Variants in LRP1B observed in about 807,000 individuals in gnomAD.
The protein encoded by LRP1B is low-density lipoprotein receptor-related protein 1B.
In LRP1B, 217 loss-of-function variants were observed where a neutral mutation model predicts 556.6. The ratio of observed to expected loss-of-function variants is 0.39; its 90% CI spans 0.35 to 0.44. The LOEUF (loss-of-function observed/expected upper bound fraction) is 0.44, where lower values mean the gene tolerates loss of function less well. LRP1B is among the 20% of genes least tolerant of loss of function. LRP1B has a pLI of 1.00. For synonymous variants in LRP1B, 2,047 were observed against 1,865.8 expected, an observed-to-expected ratio of 1.10 and a Z score of -2.50; for missense variants, 5,053 against 5,620.8, an observed-to-expected ratio of 0.90 and a Z score of 3.23.
intron 3 of LRP1B, among the ~76,000 whole-genome samples, chr2:141,463,638 ATTATATATT>A (rs1475704397): frequency 0.033 from 3,959 of 120,166 alleles, 364 homozygotes; most frequent in African/African-American, 0.12. Flanking sequence ...ATTATTATAT[ATTATATATT>A]ATATATAATT....
At chr2:141,421,922 G>A (rs1048276696) in intron 3 of LRP1B, among the ~76,000 whole-genome samples, 6 of 152,094 alleles carry the variant, frequency 3.9e-5, no homozygotes, top group African/African-American at 1.4e-4. Context: ...TCATCTTTGA[G>A]TCTCTCTCTT....
Position 141,591,014 on chromosome 2 carries a change from G to A in LRP1B, c.206-110481C>T, listed in dbSNP as rs532462210. Among the ~76,000 whole-genome samples the A allele has an allele frequency of 6.6e-5, 10 of 152,248 alleles. No individual in the cohort carries two copies. The South Asian group carries it at 2.1e-3, about 32-fold the overall frequency. On this transcript the variant is annotated intron_variant, in intron 2 of 90. Transcript: ENST00000389484. ...GGCTGTTTTTGAAGCCCGAGCCATG[G>A]TAAATAGCCTACGGTTTGACTCATT...
intron 21 of LRP1B, among the ~76,000 whole-genome samples, chr2:140,908,699 T>C (rs181675628): frequency 6.6e-6 from 1 of 152,114 alleles, no homozygotes; most frequent in Non-Finnish European, 1.5e-5. Context: ...ATTTATAGAA[T>C]TTTTTTATTG....
intron 43 of LRP1B, among the ~76,000 whole-genome samples, chr2:140,544,219 T>A (rs1209992944): frequency 1.7e-5 from 2 of 116,444 alleles, no homozygotes; most frequent in Admixed American, 8.4e-5. Context: ...AGGGCATATG[T>A]GCAGGTTTGT....
intron 7 of LRP1B, among the ~76,000 whole-genome samples, chr2:141,123,268 A>G (rs200362233): frequency 0.22 from 32,144 of 146,034 alleles, 3,791 homozygotes; most frequent in East Asian, 0.44. Flanking sequence ...ATAAATAAAA[A>G]AAAGAAAGTA....
intron 88 of LRP1B, 42 bp from the exon 89 acceptor site, chr2:140,238,338 T>C: frequency 9.5e-7 from 1 of 1,056,820 alleles, no homozygotes; most frequent in Non-Finnish European, 1.4e-6. Flanking sequence ...TTTGTATAAA[T>C]ATCACAATCA....
intron 1 of LRP1B, among the ~76,000 whole-genome samples, chr2:141,932,719 C>G (rs2104997698): frequency 1.3e-5 from 2 of 152,042 alleles, no homozygotes; most frequent in Admixed American, 1.3e-4. Context: ...TTATTTATGA[C>G]TCAGATGCCT....
At chr2:141,981,040 C>T (rs985227971) in intron 1 of LRP1B, among the ~76,000 whole-genome samples, 1 of 152,018 alleles carries the variant, frequency 6.6e-6, no homozygotes, top group Non-Finnish European at 1.5e-5. Flanking sequence ...TTGGAAATAT[C>T]TATTATGGGT....
intron 1 of LRP1B, among the ~76,000 whole-genome samples, chr2:141,821,379 T>G (rs995005102): frequency 1.3e-5 from 2 of 152,192 alleles, no homozygotes; most frequent in African/African-American, 4.8e-5. Flanking sequence ...AAGGCCTTTT[T>G]CTCCTTAGTC....
At chr2:140,277,078 T>C (rs1232127646) in intron 84 of LRP1B, among the ~76,000 whole-genome samples, 2 of 144,908 alleles carry the variant, frequency 1.4e-5, no homozygotes, top group Non-Finnish European at 3.1e-5. Flanking sequence ...TGTAAAATTT[T>C]GAAGCGCTTT....
chr2:140,702,227 T>A lies in LRP1B; in HGVS notation c.6216A>T (p.Gly2072=). Residue 2072 remains glycine (G), a synonymous_variant, in exon 39 of 91, where the codon GGA becomes GGT. Coordinates refer to ENST00000389484, the MANE Select transcript of LRP1B (RefSeq NM_018557.3). The stretch of plus-strand genomic sequence containing the variant: ...CTGACAGCACCATCTCGCGATTCCC[T>A]CCAGTCTCAAGGTCGATTCTCTCTA... ...DKIERIDLET[G]GNREMVLSGS... is the part of the protein sequence containing the mutation. 1 of 1,613,718 alleles carries A rather than the reference T, an allele frequency of 6.2e-7. No individual in the cohort carries two copies. Among genetic ancestry groups the A allele is most frequent in the Non-Finnish European group, 8.5e-7 (1 of 1,179,766 alleles).
intron 41 of LRP1B, among the ~76,000 whole-genome samples, chr2:140,630,318 T>C (rs1683833466): frequency 6.6e-6 from 1 of 152,144 alleles, no homozygotes; most frequent in East Asian, 1.9e-4. Flanking sequence ...CTCCAGCATG[T>C]AAAAAGCTTA....
At chr2:140,898,630 A>G (rs1469297061) in intron 23 of LRP1B, 1 of 368,934 alleles carries the variant, frequency 2.7e-6, no homozygotes, top group African/African-American at 2.1e-5. Flanking sequence ...CCTCCCCCTG[A>G]ACAACATAAA....
At chr2:141,596,346 A>G (rs996471915) in intron 2 of LRP1B, among the ~76,000 whole-genome samples, 3 of 152,086 alleles carry the variant, frequency 2.0e-5, no homozygotes, top group Admixed American at 2.0e-4. Context: ...TATGAAGGAT[A>G]TGGGAAAATA....
At chr2:141,826,028 T>A (rs1045840739) in intron 1 of LRP1B, among the ~76,000 whole-genome samples, 1 of 152,082 alleles carries the variant, frequency 6.6e-6, no homozygotes, top group Non-Finnish European at 1.5e-5. Context: ...ATGATCAAAT[T>A]TTGTGGGTAC....
At chr2:141,836,995 T>C (rs1032328781) in intron 1 of LRP1B, among the ~76,000 whole-genome samples, 3 of 151,954 alleles carry the variant, frequency 2.0e-5, no homozygotes, top group African/African-American at 7.2e-5. Flanking sequence ...ATAAAAGATA[T>C]GGTGCTTGGG....
intron 1 of LRP1B, among the ~76,000 whole-genome samples, chr2:141,838,067 A>C (rs533762647): frequency 1.4e-4 from 22 of 152,098 alleles, no homozygotes; most frequent in Non-Finnish European, 2.9e-4. Flanking sequence ...GTTAACCCAC[A>C]ATCTCTTATC....
chr2:141,072,690 T>C (rs879781729), intron 7 of LRP1B, among the ~76,000 whole-genome samples: 4 of 151,974 alleles, frequency 2.6e-5, no homozygotes, highest in African/African-American at 9.7e-5. Context: ...TCAACTTTTC[T>C]TTCTCATTCC....
chr2:140,654,841 G>A (rs575613802), intron 41 of LRP1B, among the ~76,000 whole-genome samples: 3 of 152,066 alleles, frequency 2.0e-5, no homozygotes, highest in South Asian at 2.1e-4. Flanking sequence ...TCTGCTCTCC[G>A]TATTGTTCAC....
Sources: gnomAD v4.1 joint callset for allele counts (sites outside exome capture counted in the v4.1 genomes callset) on GRCh38, gnomAD v4.1.1 for gene constraint, MANE v1.5 for transcripts, NCBI Gene and HGNC (gene_info 2026-07-23, HGNC 2026-07-21) for gene names.